Variants in SLC12A5 observed in about 807,000 individuals in gnomAD.
SLC12A5 encodes the protein K-Cl cotransporter 2.
SLC12A5 carries 18 observed loss-of-function variants against 124.0 expected under a neutral mutation model. The observed-to-expected ratio is 0.15, with a 90% CI of 0.10 to 0.22. SLC12A5 has a LOEUF of 0.22. Ranked by LOEUF, SLC12A5 falls within the 10% of genes least tolerant of loss-of-function variation. SLC12A5 has a pLI of 1.00. For synonymous variants in SLC12A5, 589 were observed against 568.0 expected (o/e 1.04, Z -0.53); for missense variants, 867 against 1,478.7 (o/e 0.59, Z 6.78).
chr20:46,041,716 C>T (rs538314395), intron 8 of SLC12A5, among the ~76,000 whole-genome samples, 176 bp downstream of exon 8: 5 of 152,154 alleles, frequency 3.3e-5, no homozygotes, highest in Non-Finnish European at 7.3e-5. Flanking sequence ...GAAAAGGAGA[C>T]AAGTATCTCA....
chr20:46,028,988 A>C, upstream of SLC12A5: 1 of 384,730 alleles, frequency 2.6e-6, no homozygotes, highest in Non-Finnish European at 4.0e-6. Context: ...CACCCCCTTC[A>C]TCCCACCCAC....
chr20:46,027,389 A>T (rs1287607809), upstream of SLC12A5, among the ~76,000 whole-genome samples: 2 of 152,156 alleles, frequency 1.3e-5, no homozygotes, highest in Non-Finnish European at 2.9e-5. Context: ...GGTTGACCCA[A>T]TCTGAAGCCA....
chr20:46,041,043 C>T, intron 7 of SLC12A5: 1 of 421,298 alleles, frequency 2.4e-6, no homozygotes, highest in Non-Finnish European at 4.3e-6. Context: ...CCACTCCATC[C>T]ACTGCTCAGA....
chr20:46,046,015 G>T lies in SLC12A5; in HGVS notation c.1688+19G>T, dbSNP rs2084591930. ...TCTCTATGTGCGTGCCTGACTTCTTGCCCTCCCCCCTGGTTCAGGGTGTTT... is the reference window on the plus strand; with the variant it reads ...TCTCTATGTGCGTGCCTGACTTCTTTCCCTCCCCCCTGGTTCAGGGTGTTT... On this transcript the variant is annotated intron_variant, in intron 13 of 25. Transcript: ENST00000243964. 1.2e-6 allele frequency: 2 copies of T among 1,605,302 alleles called. No homozygotes were observed. The highest frequency in any genetic ancestry group is 1.7e-6 in the Non-Finnish European group (2 of 1,172,140).
chr20:46,053,375 TG>T lies in SLC12A5; in HGVS notation c.2548-202del, dbSNP rs2084663006. 6.6e-6 allele frequency among the ~76,000 whole-genome samples: 1 copy of T among 152,192 alleles called. No homozygotes were observed. The highest frequency in any genetic ancestry group is 2.4e-5 in the African/African-American group (1 of 41,446). On this transcript the variant is annotated intron_variant, in intron 19 of 25. Transcript: ENST00000243964. This position sits in a 1 kb window ranked among gnomAD's most constrained non-coding sequence, Gnocchi z 4.7. ...GAGAGCAATGCTTAGCCCAAGCCAGTGATGCTTTCTTTAATGGGGGACCCTC... is the reference window on the plus strand; with the variant it reads ...GAGAGCAATGCTTAGCCCAAGCCAGTATGCTTTCTTTAATGGGGGACCCTC...
upstream of SLC12A5, chr20:46,029,097 C>G: frequency 3.0e-6 from 4 of 1,319,730 alleles, no homozygotes; most frequent in South Asian, 6.3e-5. Context: ...CAAAACCCCG[C>G]CAGTGGCTCA....
In SLC12A5 at chr20:46,045,757, C is replaced by A; in HGVS notation, c.1570-121C>A. Reference sequence around the variant, plus strand: ...TCTCCTGGAGGAAGAGAAATGCATCCTCTCCCTTCCTCCTCTTTGGTGATA... The same window carrying A: ...TCTCCTGGAGGAAGAGAAATGCATCATCTCCCTTCCTCCTCTTTGGTGATA... On this transcript the variant is annotated intron_variant, in intron 12 of 25. Coordinates refer to ENST00000243964, the MANE Select transcript of SLC12A5 (RefSeq NM_020708.5). This position sits in a 1 kb window ranked among gnomAD's most constrained non-coding sequence, Gnocchi z 4.9. 1 of 728,146 alleles carries A rather than the reference C, an allele frequency of 1.4e-6. No homozygotes were observed. The highest frequency in any genetic ancestry group is 2.6e-5 in the East Asian group (1 of 38,304). The allele number at this position is 728,146 out of a possible 1,614,324, so 45.1% of individuals were successfully genotyped here.
At chr20:46,043,382 C>T (rs2084565266) in intron 9 of SLC12A5, 59 bp downstream of exon 9, 13 of 1,564,834 alleles carry the variant, frequency 8.3e-6, no homozygotes, top group Middle Eastern at 1.7e-4. Flanking sequence ...AAGAGAGAGT[C>T]GATGATGATG....
chr20:46,049,329 G>A (rs2084627345), intron 16 of SLC12A5, among the ~76,000 whole-genome samples: 1 of 152,240 alleles, frequency 6.6e-6, no homozygotes, highest in African/African-American at 2.4e-5. Context: ...TGATAGGTAG[G>A]TAGATGTGTG....
intron 9 of SLC12A5, 123 bp from the exon 10 acceptor site, chr20:46,043,510 C>T: frequency 1.7e-6 from 2 of 1,209,160 alleles, no homozygotes; most frequent in Non-Finnish European, 1.2e-6. Flanking sequence ...CAAGGTCTCA[C>T]ACAAGCCAGT....
chr20:46,052,280 G>A (rs533486605), intron 18 of SLC12A5, among the ~76,000 whole-genome samples: 2 of 152,354 alleles, frequency 1.3e-5, no homozygotes, highest in South Asian at 4.1e-4. Flanking sequence ...AATAACTAAC[G>A]TTTCTAGAAT....
rs919297336 is a variant in SLC12A5, at chr20:46,043,203, G to A, written c.1117G>A (p.Gly373Arg). The A allele has an allele frequency of 1.2e-6, 2 of 1,613,832 alleles. No homozygotes were observed. Among genetic ancestry groups the A allele is most frequent in the African/African-American group, 2.7e-5 (2 of 74,856 alleles). ...LTKGVIVERS[G>R]MTSVGLADGT... The stretch of plus-strand genomic sequence containing the variant: ...CAAGGGCGTGATTGTGGAGAGGAGT[G>A]GGATGACCTCGGTGGGCCTGGCCGA... The change falls in exon 9 of 26, where the codon GGG becomes AGG. Residue 373 changes from glycine (G) to arginine (R), a missense_variant. Gly to Arg is a moderately radical substitution (Grantham distance 125). This residue lies in a region of SLC12A5 where 127 missense variants were observed against 164.1 expected (regional missense o/e 0.77). Transcript: ENST00000243964.
chr20:46,051,168 T>C (rs1568866631), intron 17 of SLC12A5, among the ~76,000 whole-genome samples: 1 of 152,192 alleles, frequency 6.6e-6, no homozygotes, highest in Admixed American at 6.5e-5. Context: ...TCCCCATCTA[T>C]AAAATGGGAG....
upstream of SLC12A5, among the ~76,000 whole-genome samples, chr20:46,024,945 T>A (rs2084384683): frequency 6.6e-6 from 1 of 152,190 alleles, no homozygotes; most frequent in South Asian, 2.1e-4. Context: ...CTGGGCCTGG[T>A]AGGACTAACA....
downstream of SLC12A5, among the ~76,000 whole-genome samples, chr20:46,023,791 T>C (rs2084375309): frequency 6.6e-6 from 1 of 152,184 alleles, no homozygotes; most frequent in African/African-American, 2.4e-5. Context: ...TACTTATGGG[T>C]ATCCTCCATT....
upstream of SLC12A5, among the ~76,000 whole-genome samples, chr20:46,027,115 C>CTG (rs1431161805): frequency 6.6e-6 from 1 of 152,160 alleles, no homozygotes; most frequent in African/African-American, 2.4e-5. Flanking sequence ...GCTGCTAGTG[C>CTG]TGTGTGTGTG....
At chr20:46,030,578 G>A (rs1181635360) in intron 1 of SLC12A5, among the ~76,000 whole-genome samples, 3 of 151,470 alleles carry the variant, frequency 2.0e-5, no homozygotes, top group Non-Finnish European at 2.9e-5. Context: ...TCCCGCGCCT[G>A]CTGTCTGCGC....
At chr20:46,022,071 T>G (rs1424505314) in intron 1 of SLC12A5, 19 of 496,132 alleles carry the variant, frequency 3.8e-5, no homozygotes, top group South Asian at 1.6e-4. Flanking sequence ...GAACGCAAAG[T>G]GTGGAGGGGG....
chr20:46,041,447 C>T lies in SLC12A5; in HGVS notation c.973C>T (p.Arg325Cys). The T allele has an allele frequency of 2.5e-6, 4 of 1,614,156 alleles. No homozygotes were observed. Among genetic ancestry groups the T allele is most frequent in the Non-Finnish European group, 3.4e-6 (4 of 1,180,028 alleles). Reference protein sequence around the residue: ...TRLWGLFCSSRFLNATCDEYF... With the variant: ...TRLWGLFCSSCFLNATCDEYF... ...GCTATGGGGCCTTTTCTGCTCCTCT[C>T]GCTTCCTCAACGCCACCTGTGATGA... Residue 325 changes from arginine (R) to cysteine (C), a missense_variant, in exon 8 of 26, where the codon CGC (arginine) becomes TGC (cysteine). This residue lies in a region of SLC12A5 where 127 missense variants were observed against 164.1 expected (regional missense o/e 0.77). Coordinates refer to ENST00000243964, the MANE Select transcript of SLC12A5 (RefSeq NM_020708.5).
Sources: allele counts gnomAD v4.1 joint callset (sites outside exome capture counted in the v4.1 genomes callset), GRCh38; gene constraint gnomAD v4.1.1; regional missense constraint gnomAD v4.1.1; non-coding constraint Gnocchi (gnomAD v3.1); transcripts MANE v1.5; gene names NCBI Gene and HGNC (gene_info 2026-07-23, HGNC 2026-07-21).